The following GRM4 variants were observed in gnomAD, a reference collection of about 807,000 sequenced individuals.
GRM4 encodes the protein metabotropic glutamate receptor 4.
Under a neutral mutation model 81.7 loss-of-function variants are expected in GRM4, and 28 were observed. The observed-to-expected ratio is 0.34, with a 90% CI of 0.25 to 0.47. The LOEUF is 0.47. Ranked by LOEUF, GRM4 falls within the 20% of genes least tolerant of loss-of-function variation. The probability of loss-of-function intolerance (pLI) is 1.00; values close to 1 mark genes in which losing one functional copy is unlikely to be tolerated. For missense variants in GRM4, 948 were observed against 1,290.0 expected, an observed-to-expected ratio of 0.73 and a Z score of 4.06; for synonymous variants, 488 against 528.8, an observed-to-expected ratio of 0.92 and a Z score of 1.06.
chr6:34,135,441 A>G (rs974141241), intron 1 of GRM4, among the ~76,000 whole-genome samples: 1 of 152,246 alleles, frequency 6.6e-6, no homozygotes, highest in Non-Finnish European at 1.5e-5. Context: ...GAGGTATCAC[A>G]TAATTCTCCC....
chr6:34,124,447 C>T (rs959089536), intron 2 of GRM4, among the ~76,000 whole-genome samples: 20 of 152,242 alleles, frequency 1.3e-4, no homozygotes, highest in Non-Finnish European at 2.2e-4. Context: ...CCTGACGATG[C>T]GCACTACATG....
chr6:34,129,719 G>A (rs538620770), intron 2 of GRM4, among the ~76,000 whole-genome samples: 17 of 152,272 alleles, frequency 1.1e-4, no homozygotes, highest in East Asian at 7.7e-4. Context: ...GAGGGCACCC[G>A]GCTTTGAGCC....
intron 3 of GRM4, among the ~76,000 whole-genome samples, chr6:34,065,894 G>T (rs978624086): frequency 6.6e-6 from 1 of 152,104 alleles, no homozygotes; most frequent in East Asian, 1.9e-4. Context: ...TCACCACTGC[G>T]CTGGGAAGTT....
upstream of GRM4, among the ~76,000 whole-genome samples, chr6:34,146,656 A>G (rs1770939723): frequency 6.6e-6 from 1 of 152,226 alleles, no homozygotes; most frequent in Admixed American, 6.5e-5. Flanking sequence ...ACACTGTGCC[A>G]GAGAGCTGGG....
At chr6:34,103,493 G>T in intron 2 of GRM4, 1 of 1,014,040 alleles carries the variant, frequency 9.9e-7, no homozygotes, top group Non-Finnish European at 1.5e-6. Context: ...GCAGGCGGGG[G>T]CGGCGGGCGA....
intron 3 of GRM4, among the ~76,000 whole-genome samples, chr6:34,082,444 G>C (rs1264739652): frequency 6.6e-6 from 1 of 152,170 alleles, no homozygotes; most frequent in East Asian, 1.9e-4. Flanking sequence ...GGAAAGCCAC[G>C]AGAAGTCAGT....
intron 2 of GRM4, among the ~76,000 whole-genome samples, chr6:34,093,581 T>C (rs1008942130): frequency 2.2e-4 from 33 of 151,856 alleles, no homozygotes; most frequent in African/African-American, 8.0e-4. Flanking sequence ...GGGTGGCAGG[T>C]GGTGTATGGG....
chr6:34,065,291 A>G (rs1324680127), intron 3 of GRM4, among the ~76,000 whole-genome samples: 1 of 151,948 alleles, frequency 6.6e-6, no homozygotes, highest in Non-Finnish European at 1.5e-5. Flanking sequence ...CCACACGACT[A>G]ACACTCCCGC....
intron 3 of GRM4, among the ~76,000 whole-genome samples, chr6:34,077,728 G>A (rs1017945561): frequency 6.6e-6 from 1 of 151,904 alleles, no homozygotes; most frequent in Admixed American, 6.6e-5. Flanking sequence ...TGCCTTTGAT[G>A]TCTGATTCAC....
At chr6:34,103,506 G>A in intron 2 of GRM4, 2 of 1,198,490 alleles carry the variant, frequency 1.7e-6, no homozygotes, top group Non-Finnish European at 2.4e-6. Context: ...GCGGGCGAGG[G>A]AGAGCAAACG....
intron 2 of GRM4, chr6:34,100,183 A>G (rs1337791742): frequency 1.1e-5 from 3 of 274,234 alleles, no homozygotes; most frequent in African/African-American, 4.6e-5. Context: ...GGGCCAGCCC[A>G]GACTCAGCCT....
At chr6:34,125,449 G>C (rs948113466) in intron 2 of GRM4, among the ~76,000 whole-genome samples, 7 of 152,176 alleles carry the variant, frequency 4.6e-5, no homozygotes, top group African/African-American at 1.7e-4. Context: ...GGCCAGCTGA[G>C]GCTACTAGGT....
At chr6:34,031,840 G>A (rs2395552) in intron 9 of GRM4, among the ~76,000 whole-genome samples, 9,739 of 152,210 alleles carry the variant, frequency 0.064, 964 homozygotes, top group African/African-American at 0.21. Context: ...GTGCAAGTGC[G>A]TGTGTGCATA....
chr6:34,140,799 GCTT>G, intron 1 of GRM4, among the ~76,000 whole-genome samples: 1 of 152,324 alleles, frequency 6.6e-6, no homozygotes, highest in Admixed American at 6.5e-5. Flanking sequence ...CACTAATACT[GCTT>G]CTTCCTCTCT....
Position 34,059,087 on chromosome 6 carries a change from T to A in GRM4, c.914A>T (p.His305Leu). The A allele has an allele frequency of 6.2e-7, 1 of 1,613,850 alleles. No individual in the cohort carries two copies. Among genetic ancestry groups the A allele is most frequent in the Non-Finnish European group, 8.5e-7 (1 of 1,179,958 alleles). The change falls in exon 5 of 11, where the codon CAT becomes CTT. Residue 305 changes from histidine (H) to leucine (L), a missense_variant. Physicochemically the swap from His to Leu is moderately conservative, Grantham distance 99. Coordinates refer to ENST00000538487, the MANE Select transcript of GRM4 (RefSeq NM_000841.4). This position sits in a 1 kb window ranked among gnomAD's most constrained non-coding sequence, Gnocchi z 5.7. ...EAARRANQTGHFFWMGSDSWG... is the reference protein window; with the variant it reads ...EAARRANQTGLFFWMGSDSWG... ...GCTGTCAGAGCCCATCCAGAAGAAA[T>A]GGCCTGTCTGGTTGGCCCTTCGTGC...
rs867373988 is a variant in GRM4 at position 34,035,936 on chromosome 6, G to A, written c.2174C>T (p.Ser725Leu). 1 of 1,610,886 alleles carries A rather than the reference G, an allele frequency of 6.2e-7. No homozygotes were observed. The highest frequency in any genetic ancestry group is 1.1e-5 in the South Asian group (1 of 90,986). ...CCGCTGGTCCTGGAAGTCCACCACC[G>A]AGTGGGAGGGGTCCACCACAAACCA... ...CVWFVVDPSH[S>L]VVDFQDQRTL... Residue 725 changes from serine to leucine, a missense_variant, in exon 9 of 11, where the codon TCG becomes TTG. Physicochemically the swap from Ser to Leu is moderately radical, Grantham distance 145 (BLOSUM62 -2). Coordinates refer to ENST00000538487, the MANE Select transcript of GRM4 (RefSeq NM_000841.4). This position sits in a 1 kb window ranked among gnomAD's most constrained non-coding sequence, Gnocchi z 6.6.
At chr6:34,109,262 A>G (rs1282124719) in intron 2 of GRM4, among the ~76,000 whole-genome samples, 1 of 152,210 alleles carries the variant, frequency 6.6e-6, no homozygotes, top group African/African-American at 2.4e-5. Flanking sequence ...TCCAATTGCC[A>G]GCAACTGGTG....
chr6:34,048,771 C>T lies in GRM4; in HGVS notation c.1168+7773G>A, dbSNP rs1182679425. Reference sequence around the variant, plus strand: ...GAGATCTGAGGGTTTAAAAGTGTGGCACTTCCCCTCTCGCCTTCTCTCTCC... The same window carrying T: ...GAGATCTGAGGGTTTAAAAGTGTGGTACTTCCCCTCTCGCCTTCTCTCTCC... On this transcript the variant is annotated intron_variant, in intron 6 of 10. Transcript: ENST00000538487. The surrounding 1 kb of genome is among the most constrained non-coding windows in gnomAD (Gnocchi z 4.0). Among the ~76,000 whole-genome samples the T allele has an allele frequency of 6.6e-6, 1 of 152,054 alleles. No individual in the cohort carries two copies. Among genetic ancestry groups the T allele is most frequent in the East Asian group, 1.9e-4 (1 of 5,180 alleles).
Position 34,022,721 on chromosome 6 carries a change from C to A in GRM4, c.*100G>T. 9.2e-7 allele frequency: 1 copy of A among 1,081,156 alleles called. No individual in the cohort carries two copies. The highest frequency in any genetic ancestry group is 1.4e-6 in the Non-Finnish European group (1 of 703,210). 67.0% of individuals were successfully genotyped at this position (1,081,156 alleles called of 1,614,324 possible). On this transcript the variant is annotated 3_prime_UTR_variant, in exon 11 of 11. Transcript: ENST00000538487. This position sits in a 1 kb window ranked among gnomAD's most constrained non-coding sequence, Gnocchi z 5.6. The stretch of plus-strand genomic sequence containing the variant: ...ACCAAGCCACGTCCGTGGGTGCCCA[C>A]GGGCAGGCAAGACAGCTGGGCCCTT...
Sources: gnomAD v4.1 joint callset for allele counts (sites outside exome capture counted in the v4.1 genomes callset) on GRCh38, gnomAD v4.1.1 for gene constraint, Gnocchi (gnomAD v3.1) non-coding constraint, MANE v1.5 for transcripts, NCBI Gene and HGNC (gene_info 2026-07-23, HGNC 2026-07-21) for gene names.